MSRA: variants seen among roughly 807,000 people sequenced by gnomAD.
The protein encoded by MSRA is mitochondrial peptide methionine sulfoxide reductase.
MSRA carries 54 observed loss-of-function variants against 31.3 expected under a neutral mutation model. That is an observed-to-expected ratio of 1.73 (90% CI 1.39 to 2.17). The LOEUF is 2.17. Among genes scored for constraint, MSRA ranks in the 30% most tolerant of loss-of-function variants. MSRA has a pLI of 0.00. For synonymous variants in MSRA, 169 were observed against 116.5 expected, an observed-to-expected ratio of 1.45 and a Z score of -2.90; for missense variants, 507 against 300.9, an observed-to-expected ratio of 1.69 and a Z score of -5.07.
chr8:10,128,178 G>C (rs747653690), intron 1 of MSRA, among the ~76,000 whole-genome samples: 6 of 152,106 alleles, frequency 3.9e-5, no homozygotes, highest in Non-Finnish European at 7.4e-5. Flanking sequence ...AGGAGTTCGA[G>C]ACCAGCCTGG....
intron 5 of MSRA, among the ~76,000 whole-genome samples, chr8:10,421,176 T>C (rs113003342): frequency 0.043 from 6,482 of 152,200 alleles, 467 homozygotes; most frequent in African/African-American, 0.15. Context: ...GCGGCATCCT[T>C]GTCTAGCCAC....
intron 2 of MSRA, among the ~76,000 whole-genome samples, chr8:10,211,016 A>G (rs866826216): frequency 6.6e-6 from 1 of 152,088 alleles, no homozygotes; most frequent in Non-Finnish European, 1.5e-5. Flanking sequence ...GATTACAGGC[A>G]TGAGTCATCG....
At chr8:10,126,622 C>G (rs956886095) in intron 1 of MSRA, among the ~76,000 whole-genome samples, 8 of 152,284 alleles carry the variant, frequency 5.3e-5, no homozygotes, top group African/African-American at 1.9e-4. Flanking sequence ...AAGCAATTCT[C>G]GTGCCTCAGC....
chr8:10,363,730 T>C (rs1804989229), intron 5 of MSRA, among the ~76,000 whole-genome samples: 3 of 32,304 alleles, frequency 9.3e-5, no homozygotes, highest in African/African-American at 1.8e-4. Flanking sequence ...CCAAGCAAGA[T>C]GCAGTCACCA....
intron 2 of MSRA, among the ~76,000 whole-genome samples, chr8:10,210,761 T>C (rs1809406127): frequency 6.6e-6 from 1 of 151,494 alleles, no homozygotes; most frequent in South Asian, 2.1e-4. Context: ...TGAGATGGTG[T>C]CTTACTCTGT....
chr8:10,421,298 G>A (rs1808797785), intron 5 of MSRA, among the ~76,000 whole-genome samples: 1 of 152,184 alleles, frequency 6.6e-6, no homozygotes, highest in Admixed American at 6.5e-5. Context: ...TGAGAAACAG[G>A]AATAAGAAGC....
intron 1 of MSRA, among the ~76,000 whole-genome samples, chr8:10,135,838 A>C (rs942457862): frequency 2.0e-5 from 3 of 152,234 alleles, no homozygotes; most frequent in African/African-American, 7.2e-5. Context: ...AGTGTTTCAC[A>C]GGCCTACAGA....
At chr8:10,326,671 T>TTATC (rs1802379728) in intron 5 of MSRA, 1 of 152,174 alleles carries the variant, frequency 6.6e-6, no homozygotes, top group Non-Finnish European at 1.5e-5. Flanking sequence ...GGAGAAGACT[T>TTATC]GATAATCTTT....
chr8:10,305,116 G>A (rs1801055251), intron 4 of MSRA, among the ~76,000 whole-genome samples: 1 of 152,172 alleles, frequency 6.6e-6, no homozygotes, highest in Non-Finnish European at 1.5e-5. Flanking sequence ...AAGTCATTAA[G>A]GACTTGAAGG....
At chr8:10,117,541 G>T (rs1800775088) in intron 1 of MSRA, among the ~76,000 whole-genome samples, 1 of 152,152 alleles carries the variant, frequency 6.6e-6, no homozygotes, top group African/African-American at 2.4e-5. Flanking sequence ...TCTATGTGGG[G>T]TATTAGAATG....
chr8:10,232,230 C>T (rs1229367840), intron 2 of MSRA, among the ~76,000 whole-genome samples: 1 of 152,202 alleles, frequency 6.6e-6, no homozygotes, highest in Non-Finnish European at 1.5e-5. Flanking sequence ...GCGGTAACTG[C>T]ACATGTTCTA....
chr8:10,240,660 G>C (rs1812329600), intron 2 of MSRA, among the ~76,000 whole-genome samples: 1 of 152,178 alleles, frequency 6.6e-6, no homozygotes, highest in Non-Finnish European at 1.5e-5. Context: ...TGCTGCCCTT[G>C]AGTCCACAGC....
intron 4 of MSRA, among the ~76,000 whole-genome samples, chr8:10,317,762 C>G (rs1563343706): frequency 6.6e-6 from 1 of 152,140 alleles, no homozygotes; most frequent in African/African-American, 2.4e-5. Context: ...TTTTCAAAAG[C>G]CAAGTGGAGG....
Position 10,309,699 on chromosome 8 carries a change from G to C in MSRA, c.436+8061G>C, listed in dbSNP as rs538965756. On this transcript the variant is annotated intron_variant, in intron 4 of 5. Transcript: ENST00000317173. ...CACATCCTGGCCTTACCGTGAGCTG[G>C]GGATTCTGTGGGGCTCCTCAGCCTG... 1.9e-4 allele frequency among the ~76,000 whole-genome samples: 29 copies of C among 152,322 alleles called. No homozygotes were observed. In the East Asian group the frequency reaches 4.5e-3, roughly 23 times the overall value.
rs180944331 is a variant in MSRA at position 10,361,753 on chromosome 8, G to A, written c.543+41764G>A. ...AAATGTAAGGAGGCACCTACTTAAAGTAACTCTTAAGAAAATCACTTAATA... is the reference window on the plus strand; with the variant it reads ...AAATGTAAGGAGGCACCTACTTAAAATAACTCTTAAGAAAATCACTTAATA... On this transcript the variant is annotated intron_variant, in intron 5 of 5. Coordinates refer to ENST00000317173, the MANE Select transcript of MSRA (RefSeq NM_012331.5). Among the ~76,000 whole-genome samples the A allele has an allele frequency of 4.6e-5, 7 of 152,300 alleles. No individual in the cohort carries two copies. In the East Asian group the frequency reaches 7.7e-4, roughly 17 times the overall value.
At chr8:10,393,258 G>A (rs568179256) in intron 5 of MSRA, among the ~76,000 whole-genome samples, 1 of 152,262 alleles carries the variant, frequency 6.6e-6, no homozygotes, top group Admixed American at 6.5e-5. Flanking sequence ...AGTGGATGCG[G>A]TGCCAGGGGG....
At chr8:10,324,332 T>G (rs13251198) in intron 5 of MSRA, among the ~76,000 whole-genome samples, 87,146 of 152,064 alleles carry the variant, frequency 0.57, 25,305 homozygotes, top group African/African-American at 0.61. Flanking sequence ...GTGCGTGTGT[T>G]TGCATGCCCA....
At chr8:10,339,896 C>T (rs898554493) in intron 5 of MSRA, among the ~76,000 whole-genome samples, 2 of 152,048 alleles carry the variant, frequency 1.3e-5, no homozygotes, top group African/African-American at 4.8e-5. Flanking sequence ...ACATAAGGAC[C>T]CTATGGTCTG....
At chr8:10,332,091 G>A (rs1213114263) in intron 5 of MSRA, among the ~76,000 whole-genome samples, 1 of 152,122 alleles carries the variant, frequency 6.6e-6, no homozygotes, top group African/African-American at 2.4e-5. Flanking sequence ...TTTCTGTCAT[G>A]AATTGAGAAA....
Sources: allele counts gnomAD v4.1 joint callset (sites outside exome capture counted in the v4.1 genomes callset), GRCh38; gene constraint gnomAD v4.1.1; transcripts MANE v1.5; gene names NCBI Gene and HGNC (gene_info 2026-07-23, HGNC 2026-07-21).